PRAM1: variants seen among roughly 807,000 people sequenced by gnomAD.
PRAM1 encodes the protein PML-RARA regulated adaptor molecule 1, also known as PML-RARA-regulated adapter molecule 1.
PRAM1 carries 41 observed loss-of-function variants against 55.3 expected under a neutral mutation model. The observed-to-expected ratio is 0.74, with a 90% CI of 0.58 to 0.96. The LOEUF (loss-of-function observed/expected upper bound fraction) is 0.96, where lower values mean the gene tolerates loss of function less well. Ranked by LOEUF, PRAM1 falls within the 40% of genes least tolerant of loss-of-function variation. PRAM1 has a pLI of 0.00. For missense variants in PRAM1, 898 were observed against 892.7 expected (o/e 1.01, Z -0.08); for synonymous variants, 401 against 387.1 (o/e 1.04, Z -0.42).
chr19:8,498,114 A>G (rs559902557), intron 3 of PRAM1, 109 bp downstream of exon 3: 20 of 1,191,376 alleles, frequency 1.7e-5, no homozygotes, highest in African/African-American at 1.7e-4. Context: ...TCCTGACTTC[A>G]GGAGATCCGC....
chr19:8,495,217 A>T (rs574322102), intron 4 of PRAM1, among the ~76,000 whole-genome samples: 1 of 151,828 alleles, frequency 6.6e-6, no homozygotes, highest in African/African-American at 2.4e-5. Flanking sequence ...CTCCTGCCTC[A>T]GCTTCTCTAG....
rs1413092914 is a variant in PRAM1 at position 8,490,940 on chromosome 19, T to C, written c.1690A>G (p.Lys564Glu). The C allele has an allele frequency of 6.2e-7, 1 of 1,613,862 alleles. No homozygotes were observed. ...GCCTTCTCTGCCTTCCTCAGCTGCT[T>C]CAGCAACTTTGGGTCCATGGGTGGC... Reference protein sequence around the residue: ...QLPPMDPKLLKQLRKAEKAER... With the variant: ...QLPPMDPKLLEQLRKAEKAER... Residue 564 changes from lysine to glutamate, a missense_variant, in exon 6 of 10, where the codon AAG becomes GAG. This residue lies in a region of PRAM1 where 787 missense variants were observed against 735.4 expected (regional missense o/e 1.07). Transcript: ENST00000423345. The surrounding 1 kb of genome is among the most constrained non-coding windows in gnomAD (Gnocchi z 7.3).
Position 8,498,836 on chromosome 19 carries a change from G to T in PRAM1, c.972C>A (p.Pro324=). 1 of 1,601,074 alleles carries T rather than the reference G, an allele frequency of 6.2e-7. No individual in the cohort carries two copies. Among genetic ancestry groups the T allele is most frequent in the South Asian group, 1.1e-5 (1 of 89,474 alleles). Reference sequence around the variant, plus strand: ...AGGTCCTGGGGAGGCCGCCCAGCTCGGGCTGCGGGGGCTTCTTGGAGAGCG... The same window carrying T: ...AGGTCCTGGGGAGGCCGCCCAGCTCTGGCTGCGGGGGCTTCTTGGAGAGCG... The part of the protein sequence containing the change: ...FKALSKKPPQ[P]ELGGLPRTSS... Residue 324 remains proline (P), a synonymous_variant, in exon 2 of 10, where the codon CCC becomes CCA. Transcript: ENST00000423345.
intron 1 of PRAM1, among the ~76,000 whole-genome samples, chr19:8,500,662 TGAC>T (rs943843958): frequency 1.8e-4 from 28 of 152,240 alleles, no homozygotes; most frequent in Non-Finnish European, 3.7e-4. Context: ...GCCCTGTCCC[TGAC>T]CCAGGACATG....
rs768759211 is a variant in PRAM1, at chr19:8,502,609, A to G, written c.-18T>C. On this transcript the variant is annotated 5_prime_UTR_variant, in exon 1 of 10. Coordinates refer to ENST00000423345, the MANE Select transcript of PRAM1 (RefSeq NM_032152.5). ...TGGGCCATGGGATGAGTGGGACCCG[A>G]GCTGGGGCCGCTGCCTTCAGGAAGT... 6.5e-7 allele frequency: 1 copy of G among 1,549,372 alleles called. No homozygotes were observed. Among genetic ancestry groups the G allele is most frequent in the Non-Finnish European group, 8.7e-7 (1 of 1,148,062 alleles).
In PRAM1 at chr19:8,498,852, T is replaced by C. The variant is rs1971748885; in HGVS notation, c.956A>G (p.Lys319Arg). 6.2e-7 allele frequency: 1 copy of C among 1,607,532 alleles called. No homozygotes were observed. The highest frequency in any genetic ancestry group is 8.5e-7 in the Non-Finnish European group (1 of 1,177,322). ...PRPAEFKALS[K>R]KPPQPELGGL... ...GCCCAGCTCGGGCTGCGGGGGCTTC[T>C]TGGAGAGCGCTTTGAATTCGGCCGG... The change falls in exon 2 of 10, where the codon AAG (lysine) becomes AGG (arginine). Residue 319 changes from lysine to arginine, a missense_variant. Transcript: ENST00000423345.
Position 8,499,215 on chromosome 19 carries a change from C to T in PRAM1, c.593G>A (p.Gly198Asp). ...CTGCGGGGACCTCGGGGTAGCCTCA[C>T]CGGCCTCGGGTTGCCAGAGCTTCCT... is the stretch of plus-strand genomic sequence containing the variant. ...FPRKLWQPEA[G>D]EATPRSPQPE... Residue 198 changes from glycine (G) to aspartate (D), a missense_variant, in exon 2 of 10, where the codon GGT (glycine) becomes GAT (aspartate). Gly to Asp is a moderately conservative substitution (Grantham distance 94, BLOSUM62 -1). This residue lies in a region of PRAM1 where 787 missense variants were observed against 735.4 expected (regional missense o/e 1.07). Transcript: ENST00000423345. 6.2e-7 allele frequency: 1 copy of T among 1,613,398 alleles called. No homozygotes were observed.
In PRAM1 at chr19:8,499,327, C is replaced by T; in HGVS notation, c.481G>A (p.Gly161Ser). Residue 161 changes from glycine to serine, a missense_variant, in exon 2 of 10, where the codon GGT becomes AGT. Coordinates refer to ENST00000423345, the MANE Select transcript of PRAM1 (RefSeq NM_032152.5). ...APLKASLPEP[G>S]APARKPLQPD... ...TGCAGGGGTTTCCGGGCCGGCGCAC[C>T]AGGCTCCGGCAGCGAGGCCTTCAAA... 1.9e-6 allele frequency: 3 copies of T among 1,610,406 alleles called. No homozygotes were observed. Among genetic ancestry groups the T allele is most frequent in the African/African-American group, 1.3e-5 (1 of 74,616 alleles).
intron 4 of PRAM1, chr19:8,491,777 C>G (rs1275135684): frequency 2.6e-5 from 4 of 155,380 alleles, no homozygotes; most frequent in Admixed American, 1.3e-4. Context: ...GTAGACGCCA[C>G]TGTCATGCCC....
intron 4 of PRAM1, among the ~76,000 whole-genome samples, chr19:8,497,059 A>G (rs1971708771): frequency 6.6e-6 from 1 of 151,962 alleles, no homozygotes; most frequent in Non-Finnish European, 1.5e-5. Context: ...GGATGGATGG[A>G]TGGATGGATG....
chr19:8,494,755 C>G (rs948799646), intron 4 of PRAM1, among the ~76,000 whole-genome samples: 16 of 150,452 alleles, frequency 1.1e-4, no homozygotes, highest in African/African-American at 3.9e-4. Flanking sequence ...CCTCAGCCTC[C>G]CAAGTAGCTG....
rs969501889 is a variant in PRAM1 at position 8,493,828 on chromosome 19, C to T, written c.1577-2671G>A. Among the ~76,000 whole-genome samples, 1 of 151,708 alleles carries T rather than the reference C, an allele frequency of 6.6e-6. No homozygotes were observed. The highest frequency in any genetic ancestry group is 2.4e-5 in the African/African-American group (1 of 41,310). ...TTCTTTTTTTCTTGAGACAGGGTCTCGTTCTGTTGCCCAGGCTGGAGTGCA... is the reference window on the plus strand; with the variant it reads ...TTCTTTTTTTCTTGAGACAGGGTCTTGTTCTGTTGCCCAGGCTGGAGTGCA... On this transcript the variant is annotated intron_variant, in intron 4 of 9. Transcript: ENST00000423345. The surrounding 1 kb of genome is among the most constrained non-coding windows in gnomAD (Gnocchi z 4.1).
chr19:8,499,077 G>C lies in PRAM1; in HGVS notation c.731C>G (p.Pro244Arg). The C allele has an allele frequency of 6.2e-7, 1 of 1,613,714 alleles. No individual in the cohort carries two copies. Among genetic ancestry groups the C allele is most frequent in the Admixed American group, 1.7e-5 (1 of 59,998 alleles). The change falls in exon 2 of 10, where the codon CCT becomes CGT. Residue 244 changes from proline to arginine, a missense_variant. Around this residue, in one of 4 missense-constraint regions of PRAM1, gnomAD observed 787 missense variants for 735.4 expected, o/e 1.07. Transcript: ENST00000423345. Reference sequence around the variant, plus strand: ...AGTCTGAGCGGCCTCGCTGAACTCAGGCTGCGGCACGGACTTCTTAGGGAG... The same window carrying C: ...AGTCTGAGCGGCCTCGCTGAACTCACGCTGCGGCACGGACTTCTTAGGGAG... ...GGLPKKSVPQ[P>R]EFSEAAQTPL...
rs1349960361 is a variant in PRAM1 at position 8,499,713 on chromosome 19, A to G, written c.95T>C (p.Leu32Pro). The G allele has an allele frequency of 6.2e-7, 1 of 1,613,764 alleles. No individual in the cohort carries two copies. The highest frequency in any genetic ancestry group is 8.5e-7 in the Non-Finnish European group (1 of 1,179,786). The part of the protein sequence containing the change: ...FQASQPEPSD[L>P]PKKPPKPEFG... Reference sequence around the variant, plus strand: ...CTCAGGCTTCGGAGGTTTTTTGGGCAGGTCGCTGGGCTCCGGCTGAGAGGC... The same window carrying G: ...CTCAGGCTTCGGAGGTTTTTTGGGCGGGTCGCTGGGCTCCGGCTGAGAGGC... Residue 32 changes from leucine to proline, a missense_variant, in exon 2 of 10, where the codon CTG (leucine) becomes CCG (proline). By Grantham distance (98) the Leu-to-Pro change is moderately conservative. This residue lies in a region of PRAM1 where 79 missense variants were observed against 93.4 expected (regional missense o/e 0.85). Transcript: ENST00000423345.
At position 8,498,758 on chromosome 19, in the gene PRAM1, G is replaced by A. The variant is rs770302295; in HGVS notation, c.1050C>T (p.Arg350=). The change falls in exon 2 of 10, where the codon CGC becomes CGT. Residue 350 remains arginine, a synonymous_variant. Coordinates refer to ENST00000423345, the MANE Select transcript of PRAM1 (RefSeq NM_032152.5). ...SLPRKLLQPE[R]RGPPRKFSQP... is the part of the protein sequence containing the mutation. Reference sequence around the variant, plus strand: ...GTGAGAACTTGCGGGGTGGCCCCCGGCGCTCCGGCTGCAGCAGCTTCCTGG... The same window carrying A: ...GTGAGAACTTGCGGGGTGGCCCCCGACGCTCCGGCTGCAGCAGCTTCCTGG... 8 of 1,573,074 alleles carry A rather than the reference G, an allele frequency of 5.1e-6. No individual in the cohort carries two copies. The Admixed American group carries it at 1.3e-4, about 26-fold the overall frequency.
rs778605432 is a variant in PRAM1, at chr19:8,498,444, G to A, written c.1364C>T (p.Ala455Val). The change falls in exon 2 of 10, where the codon GCC becomes GTC. Residue 455 changes from alanine to valine, a missense_variant. Transcript: ENST00000423345. Reference sequence around the variant, plus strand: ...GGGCCCCGGGGGCAGCGGGGGCTTGGCTGGAGGGTGTCCCAGGCTGCTGGC... The same window carrying A: ...GGGCCCCGGGGGCAGCGGGGGCTTGACTGGAGGGTGTCCCAGGCTGCTGGC... ...PPASSLGHPP[A>V]KPPLPPGPVD... is the part of the protein sequence containing the mutation. 3.8e-6 allele frequency: 6 copies of A among 1,581,750 alleles called. No individual in the cohort carries two copies. The African/African-American group carries it at 5.4e-5, about 14-fold the overall frequency.
intron 4 of PRAM1, among the ~76,000 whole-genome samples, chr19:8,492,225 G>T (rs1200403651): frequency 3.6e-5 from 5 of 139,024 alleles, no homozygotes. Context: ...GTGAGCCACC[G>T]TGCCTAGCCG....
rs1304472910 is a variant in PRAM1 at position 8,490,499 on chromosome 19, C to T, written c.1917G>A (p.Val639=). The T allele has an allele frequency of 6.2e-7, 1 of 1,611,992 alleles. No homozygotes were observed. Among genetic ancestry groups the T allele is most frequent in the Middle Eastern group, 1.7e-4 (1 of 6,060 alleles). ...ACAGGGGCAGGAGCGCTGTTCTGGG[C>T]ACGTAGCCATCTGTGGAGAGAGTGG... ...CRDPKGKYGY[V]PRTALLPLET... The change falls in exon 8 of 10, where the codon GTG becomes GTA. Residue 639 remains valine (V), a synonymous_variant. Coordinates refer to ENST00000423345, the MANE Select transcript of PRAM1 (RefSeq NM_032152.5). This position sits in a 1 kb window ranked among gnomAD's most constrained non-coding sequence, Gnocchi z 7.3.
intron 1 of PRAM1, 101 bp downstream of exon 1, chr19:8,502,464 G>GGGGGCC: frequency 3.2e-5 from 7 of 216,458 alleles, no homozygotes; most frequent in East Asian, 1.5e-4. Flanking sequence ...GCCACCCCCC[G>GGGGGCC]CCCCCCCGCC....
Sources: gnomAD v4.1 joint callset for allele counts (sites outside exome capture counted in the v4.1 genomes callset) on GRCh38, gnomAD v4.1.1 for gene constraint, gnomAD v4.1.1 regional missense constraint, Gnocchi (gnomAD v3.1) non-coding constraint, MANE v1.5 for transcripts, NCBI Gene and HGNC (gene_info 2026-07-23, HGNC 2026-07-21) for gene names.